RHOBTB2: variants seen among roughly 807,000 people sequenced by gnomAD.
RHOBTB2 encodes rho-related BTB domain-containing protein 2.
Under a neutral mutation model 66.5 loss-of-function variants are expected in RHOBTB2, and 39 were observed. The observed-to-expected ratio is 0.59, with a 90% CI of 0.45 to 0.77. The LOEUF (loss-of-function observed/expected upper bound fraction) is 0.77, where lower values mean the gene tolerates loss of function less well. RHOBTB2 is among the 30% of genes least tolerant of loss of function. RHOBTB2 has a pLI of 0.00. For synonymous variants in RHOBTB2, 390 were observed against 395.0 expected (o/e 0.99, Z 0.15); for missense variants, 755 against 999.1 (o/e 0.76, Z 3.29).
At chr8:23,014,304 TCTAA>T (rs1210973277) in intron 7 of RHOBTB2, among the ~76,000 whole-genome samples, 1 of 152,248 alleles carries the variant, frequency 6.6e-6, no homozygotes, top group Non-Finnish European at 1.5e-5. Flanking sequence ...AACTCCTAGT[TCTAA>T]CTCACAGTTC....
chr8:22,982,613 T>C (rs1227444185), upstream of RHOBTB2, among the ~76,000 whole-genome samples: 1 of 152,082 alleles, frequency 6.6e-6, no homozygotes, highest in African/African-American at 2.4e-5. Context: ...GCCCATGAGG[T>C]TGAGGCTGCA....
chr8:22,995,803 C>T (rs907813749), upstream of RHOBTB2: 20 of 1,537,976 alleles, frequency 1.3e-5, no homozygotes, highest in Middle Eastern at 1.7e-4. Context: ...GGATGGGGGG[C>T]GGAGCTCATG....
Position 23,015,654 on chromosome 8 carries a change from A to G in RHOBTB2, c.1877A>G (p.Gln626Arg), listed in dbSNP as rs1811269551. 3.7e-6 allele frequency: 6 copies of G among 1,613,496 alleles called. No homozygotes were observed. Among genetic ancestry groups the G allele is most frequent in the Non-Finnish European group, 5.1e-6 (6 of 1,179,494 alleles). Residue 626 changes from glutamine (Q) to arginine (R), a missense_variant, in exon 9 of 10, where the codon CAG (glutamine) becomes CGG (arginine). Gln to Arg is a conservative substitution (Grantham distance 43). Transcript: ENST00000251822. ...LELAQFHCAY[Q>R]LADWCLHHIC... ...TGTCCCCAGTTCCACTGTGCGTACC[A>G]GCTGGCCGACTGGTGTCTCCACCAC...
At chr8:22,960,404 C>T in the RHOBTB2 span, among the ~76,000 whole-genome samples, 1 of 151,322 alleles carries the variant, frequency 6.6e-6, no homozygotes, top group Non-Finnish European at 1.5e-5. Context: ...CTGCAACCTC[C>T]ACCTCCTGGG....
the RHOBTB2 span, among the ~76,000 whole-genome samples, chr8:22,964,703 T>C: frequency 6.6e-6 from 1 of 152,206 alleles, no homozygotes; most frequent in South Asian, 2.1e-4. Flanking sequence ...ATCTTTATTA[T>C]ATGAGTTCTT....
At chr8:22,952,371 A>G in the RHOBTB2 span, among the ~76,000 whole-genome samples, 1 of 152,046 alleles carries the variant, frequency 6.6e-6, no homozygotes, top group African/African-American at 2.4e-5. Context: ...TCCCCCTTTA[A>G]AATCCCCTGA....
At chr8:22,969,150 A>G in the RHOBTB2 span, among the ~76,000 whole-genome samples, 1 of 152,218 alleles carries the variant, frequency 6.6e-6, no homozygotes, top group South Asian at 2.1e-4. Context: ...AAATGGCAGC[A>G]GGCAAGAGAG....
In RHOBTB2 at chr8:23,020,114, G is replaced by A; in HGVS notation, c.*2645G>A. On this transcript the variant is annotated 3_prime_UTR_variant, in exon 10 of 10. Coordinates refer to ENST00000251822, the MANE Select transcript of RHOBTB2 (RefSeq NM_015178.3). ...AGGAGGAGGGGAGGTTGGGGGGCGG[G>A]AGACAAAAACCACACCTCTTTTTAT... is the stretch of plus-strand genomic sequence containing the variant. The A allele has an allele frequency of 8.1e-6, 3 of 371,826 alleles. No homozygotes were observed. Among genetic ancestry groups the A allele is most frequent in the South Asian group, 6.2e-5 (3 of 48,458 alleles). 23.0% of individuals were successfully genotyped at this position (371,826 alleles called of 1,614,324 possible). A position where few individuals can be genotyped will look rare whatever the true frequency, so the allele number is the denominator to read the frequency against.
the RHOBTB2 span, among the ~76,000 whole-genome samples, chr8:22,956,553 G>T: frequency 6.6e-6 from 1 of 152,236 alleles, no homozygotes; most frequent in Admixed American, 6.5e-5. Context: ...GGCCTCCCCA[G>T]AAGCCAAGCA....
the RHOBTB2 span, among the ~76,000 whole-genome samples, chr8:22,982,151 A>G: frequency 6.6e-6 from 1 of 152,346 alleles, no homozygotes; most frequent in East Asian, 1.9e-4. Context: ...AGGAAGACTC[A>G]GAGGCCACTG....
chr8:23,014,112 G>A (rs779332925), intron 7 of RHOBTB2, among the ~76,000 whole-genome samples: 1 of 152,150 alleles, frequency 6.6e-6, no homozygotes, highest in Non-Finnish European at 1.5e-5. Context: ...TTTTCTGGGG[G>A]CAGAGCTGGG....
At position 23,006,674 on chromosome 8, in the gene RHOBTB2, G is replaced by A. The variant is rs779351826; in HGVS notation, c.483-54G>A. On this transcript the variant is annotated intron_variant, in intron 4 of 9. Transcript: ENST00000251822. The surrounding 1 kb of genome is among the most constrained non-coding windows in gnomAD (Gnocchi z 6.1). ...AGTCCCTCCAGCCTGTGGAAGAACAGGCAGCCTCCCTCCACCACCAACACA... is the reference window on the plus strand; with the variant it reads ...AGTCCCTCCAGCCTGTGGAAGAACAAGCAGCCTCCCTCCACCACCAACACA... 5.9e-6 allele frequency: 9 copies of A among 1,528,240 alleles called. No homozygotes were observed. The highest frequency in any genetic ancestry group is 8.0e-6 in the Non-Finnish European group (9 of 1,121,160). The allele number at this position is 1,528,240 out of a possible 1,614,324, so 94.7% of individuals were successfully genotyped here.
upstream of RHOBTB2, among the ~76,000 whole-genome samples, chr8:22,998,502 G>C (rs576546862): frequency 1.6e-4 from 24 of 152,286 alleles, 1 homozygote; most frequent in East Asian, 4.6e-3. Flanking sequence ...GGGAGGCCAA[G>C]GCAGGCAGAT....
At chr8:23,005,078 C>T (rs962557788) in intron 2 of RHOBTB2, among the ~76,000 whole-genome samples, 1 of 152,116 alleles carries the variant, frequency 6.6e-6, no homozygotes, top group Non-Finnish European at 1.5e-5. Flanking sequence ...ATAGCAGTCC[C>T]TTAGGGTCTC....
At chr8:22,993,405 G>C (rs1344492525) in intron 2 of RHOBTB2, among the ~76,000 whole-genome samples, 1 of 152,168 alleles carries the variant, frequency 6.6e-6, no homozygotes, top group Non-Finnish European at 1.5e-5. Flanking sequence ...CCAGATGGCA[G>C]AGGCACAAAT....
At chr8:22,963,456 A>G in the RHOBTB2 span, among the ~76,000 whole-genome samples, 2 of 152,222 alleles carry the variant, frequency 1.3e-5, no homozygotes, top group African/African-American at 4.8e-5. Context: ...ATAATTTCAC[A>G]TTAGAGAAAA....
the RHOBTB2 span, among the ~76,000 whole-genome samples, chr8:22,967,380 G>A: frequency 1.3e-5 from 2 of 151,206 alleles, no homozygotes; most frequent in African/African-American, 2.4e-5. Context: ...AGGCTGAGGC[G>A]GGTGGATCAC....
chr8:22,960,134 G>A, the RHOBTB2 span, among the ~76,000 whole-genome samples: 1 of 150,464 alleles, frequency 6.6e-6, no homozygotes, highest in African/African-American at 2.4e-5. Context: ...AGTGAGCTGA[G>A]ATCACGGCAC....
chr8:22,974,953 CT>C, the RHOBTB2 span, among the ~76,000 whole-genome samples: 3 of 152,186 alleles, frequency 2.0e-5, no homozygotes, highest in East Asian at 5.8e-4. Flanking sequence ...GGGTTATCTC[CT>C]GGATCAATGT....
Sources: gnomAD v4.1 joint callset for allele counts (sites outside exome capture counted in the v4.1 genomes callset) on GRCh38, gnomAD v4.1.1 for gene constraint, Gnocchi (gnomAD v3.1) non-coding constraint, MANE v1.5 for transcripts, NCBI Gene and HGNC (gene_info 2026-07-23, HGNC 2026-07-21) for gene names.